The following TDRD7 variants were observed in gnomAD, a reference collection of about 807,000 sequenced individuals.
TDRD7 encodes tudor domain containing 7.
Under a neutral mutation model 109.8 loss-of-function variants are expected in TDRD7, and 47 were observed. That is an observed-to-expected ratio of 0.43 (90% CI 0.34 to 0.55). The LOEUF (loss-of-function observed/expected upper bound fraction) is 0.55, where lower values mean the gene tolerates loss of function less well. TDRD7 is among the 20% of genes least tolerant of loss of function. The probability of loss-of-function intolerance (pLI) is 0.03; values close to 1 mark genes in which losing one functional copy is unlikely to be tolerated. For synonymous variants in TDRD7, 424 were observed against 457.3 expected, an observed-to-expected ratio of 0.93 and a Z score of 0.93; for missense variants, 1,164 against 1,319.2, an observed-to-expected ratio of 0.88 and a Z score of 1.82.
chr9:97,475,542 T>TA, intron 12 of TDRD7, 73 bp downstream of exon 12: 9 of 1,087,206 alleles, frequency 8.3e-6, no homozygotes, highest in South Asian at 1.3e-5. Flanking sequence ...TAGGTTTTTT[T>TA]AAAAAATTGA....
chr9:97,432,386 T>C (rs1226532752), intron 4 of TDRD7, 148 bp downstream of exon 4: 4 of 728,630 alleles, frequency 5.5e-6, no homozygotes, highest in Non-Finnish European at 9.7e-6. Context: ...AGTTCACTTC[T>C]AGCTGCCTGA....
chr9:97,428,413 C>T, intron 1 of TDRD7, 47 bp from the exon 2 acceptor site: 2 of 1,570,098 alleles, frequency 1.3e-6, no homozygotes, highest in Non-Finnish European at 1.8e-6. Flanking sequence ...TTTGAATTCA[C>T]AAACGAATGA....
chr9:97,475,493 T>C (rs763702214), intron 12 of TDRD7, 24 bp downstream of exon 12: 15 of 1,525,886 alleles, frequency 9.8e-6, no homozygotes, highest in Non-Finnish European at 1.3e-5. Context: ...ACTTGGCTTT[T>C]TAATCTTAAC....
In TDRD7 at chr9:97,448,192, A is replaced by G. The variant is rs72749685; in HGVS notation, c.855+6317A>G. On this transcript the variant is annotated intron_variant, in intron 6 of 16. Transcript: ENST00000355295. ...CAAAGAGAATTGACTGAAAAACTGT[A>G]ACCATTTCTGAATATCTTGGGCTTA... 8.5e-3 allele frequency among the ~76,000 whole-genome samples: 1,294 copies of G among 152,338 alleles called. 12 individuals carry two copies. Among genetic ancestry groups the G allele is most frequent in the Middle Eastern group, 0.02 (6 of 294 alleles).
intron 5 of TDRD7, 88 bp from the exon 6 acceptor site, chr9:97,441,570 C>T: frequency 7.9e-7 from 1 of 1,261,154 alleles, no homozygotes; most frequent in South Asian, 1.3e-5. Flanking sequence ...CACACTATAG[C>T]AAAACCTGAA....
intron 8 of TDRD7, among the ~76,000 whole-genome samples, chr9:97,470,088 AT>A (rs1305822096): frequency 2.0e-5 from 3 of 152,158 alleles, no homozygotes; most frequent in Non-Finnish European, 4.4e-5. Flanking sequence ...TGCTTTGGGG[AT>A]TTAGAATCTG....
intron 3 of TDRD7, among the ~76,000 whole-genome samples, chr9:97,431,568 G>T (rs530335779): frequency 2.6e-5 from 4 of 152,288 alleles, no homozygotes. Context: ...TTCCCATGAA[G>T]TGGTTCAATG....
At chr9:97,457,322 T>G (rs906714321) in intron 6 of TDRD7, among the ~76,000 whole-genome samples, 1 of 152,126 alleles carries the variant, frequency 6.6e-6, no homozygotes, top group South Asian at 2.1e-4. Flanking sequence ...TTACTGGCTA[T>G]GTACCCAAAG....
chr9:97,472,382 A>G lies in TDRD7; in HGVS notation c.1831A>G (p.Lys611Glu). ...GATCTTTGCAGTGGAAATACTTGAC[A>G]AAGCTGACATTCCACTTGTTGTTCT... ...GKIFAVEILD[K>E]ADIPLVVLYD... Residue 611 changes from lysine (K) to glutamate (E), a missense_variant, in exon 10 of 17, where the codon AAA (lysine) becomes GAA (glutamate). Physicochemically the swap from Lys to Glu is moderately conservative, Grantham distance 56. Coordinates refer to ENST00000355295, the MANE Select transcript of TDRD7 (RefSeq NM_014290.3). The G allele has an allele frequency of 6.2e-7, 1 of 1,613,940 alleles. No homozygotes were observed. The highest frequency in any genetic ancestry group is 8.5e-7 in the Non-Finnish European group (1 of 1,179,864).
chr9:97,420,367 G>A (rs1186345926), intron 1 of TDRD7, among the ~76,000 whole-genome samples: 47 of 143,018 alleles, frequency 3.3e-4, no homozygotes, highest in Admixed American at 2.0e-3. Flanking sequence ...TTTTTTTTGG[G>A]GGGGGCGGGT....
chr9:97,412,668 C>T lies in TDRD7; in HGVS notation c.-7+430C>T, dbSNP rs1043115464. ...CCCCCAGCGAGGGATGTCCGCGCTCCCCTATTTGAACCCAAGTATTTTACA... is the reference window on the plus strand; with the variant it reads ...CCCCCAGCGAGGGATGTCCGCGCTCTCCTATTTGAACCCAAGTATTTTACA... On this transcript the variant is annotated intron_variant, in intron 1 of 16. Coordinates refer to ENST00000355295, the MANE Select transcript of TDRD7 (RefSeq NM_014290.3). The surrounding 1 kb of genome is among the most constrained non-coding windows in gnomAD (Gnocchi z 4.3). Among the ~76,000 whole-genome samples, 7 of 152,198 alleles carry T rather than the reference C, an allele frequency of 4.6e-5. No individual in the cohort carries two copies. The highest frequency in any genetic ancestry group is 1.4e-4 in the African/African-American group (6 of 41,456).
intron 16 of TDRD7, among the ~76,000 whole-genome samples, chr9:97,494,596 A>T (rs931623580): frequency 1.6e-4 from 25 of 151,876 alleles, no homozygotes; most frequent in Non-Finnish European, 5.9e-5. Flanking sequence ...TTATGTCTGA[A>T]ATTTCCATAT....
At chr9:97,483,791 A>T (rs1310652639) in intron 15 of TDRD7, among the ~76,000 whole-genome samples, 1 of 152,176 alleles carries the variant, frequency 6.6e-6, no homozygotes, top group Non-Finnish European at 1.5e-5. Flanking sequence ...GTGCATATTT[A>T]TATAGTTGGT....
chr9:97,430,753 A>G (rs1176058319), intron 2 of TDRD7, among the ~76,000 whole-genome samples, 180 bp from the exon 3 acceptor site: 2 of 152,216 alleles, frequency 1.3e-5, no homozygotes, highest in South Asian at 2.1e-4. Flanking sequence ...ACTATGCCAG[A>G]TTCCTCTTGC....
At chr9:97,436,835 A>G (rs576175265) in intron 4 of TDRD7, among the ~76,000 whole-genome samples, 11 of 152,240 alleles carry the variant, frequency 7.2e-5, no homozygotes, top group East Asian at 1.9e-4. Flanking sequence ...TTGTAATTCT[A>G]TCTTTACCAG....
At chr9:97,413,818 CTG>C (rs1473135852) in intron 1 of TDRD7, among the ~76,000 whole-genome samples, 6 of 152,318 alleles carry the variant, frequency 3.9e-5, no homozygotes, top group African/African-American at 1.4e-4. Context: ...ATTTCAGTCT[CTG>C]TAGATTGAAA....
Position 97,478,481 on chromosome 9 carries a change from C to T in TDRD7, c.2209C>T (p.Leu737=). 6.2e-7 allele frequency: 1 copy of T among 1,614,018 alleles called. No individual in the cohort carries two copies. The highest frequency in any genetic ancestry group is 8.5e-7 in the Non-Finnish European group (1 of 1,179,986). The part of the protein sequence containing the change: ...HSSRALDVQF[L]DSGTVTSVKV... ...CAGCCGGGCTCTTGATGTTCAGTTC[C>T]TGGACTCTGGCACTGTGACATCTGT... Residue 737 remains leucine (L), a synonymous_variant, in exon 13 of 17, where the codon CTG becomes TTG. Transcript: ENST00000355295.
At chr9:97,427,336 C>T (rs1442975162) in intron 1 of TDRD7, among the ~76,000 whole-genome samples, 1 of 151,916 alleles carries the variant, frequency 6.6e-6, no homozygotes, top group Non-Finnish European at 1.5e-5. Flanking sequence ...GGCATTATGA[C>T]TCTGCTTCTT....
At chr9:97,455,573 C>G (rs1828590988) in intron 6 of TDRD7, among the ~76,000 whole-genome samples, 1 of 152,170 alleles carries the variant, frequency 6.6e-6, no homozygotes, top group South Asian at 2.1e-4. Flanking sequence ...AAGACAAAAA[C>G]CACATGATTA....
Sources: gnomAD v4.1 joint callset for allele counts (sites outside exome capture counted in the v4.1 genomes callset) on GRCh38, gnomAD v4.1.1 for gene constraint, Gnocchi (gnomAD v3.1) non-coding constraint, MANE v1.5 for transcripts, NCBI Gene and HGNC (gene_info 2026-07-23, HGNC 2026-07-21) for gene names.